Variants in FOXN3 observed in about 807,000 individuals in gnomAD.
FOXN3 encodes forkhead box N3.
Under a neutral mutation model 38.4 loss-of-function variants are expected in FOXN3, and 7 were observed. That is an observed-to-expected ratio of 0.18 (90% CI 0.10 to 0.34). The LOEUF (loss-of-function observed/expected upper bound fraction) is 0.34, where lower values mean the gene tolerates loss of function less well. Ranked by LOEUF, FOXN3 falls within the 10% of genes least tolerant of loss-of-function variation. FOXN3 has a pLI of 1.00. For missense variants in FOXN3, 456 were observed against 613.4 expected (o/e 0.74, Z 2.71); for synonymous variants, 230 against 242.2 (o/e 0.95, Z 0.47).
intron 1 of FOXN3, among the ~76,000 whole-genome samples, chr14:89,431,254 G>A (rs920820756): frequency 5.9e-5 from 9 of 152,086 alleles, no homozygotes; most frequent in Non-Finnish European, 8.8e-5. Context: ...TGGATGGAGT[G>A]CAGTGTTGTG....
At position 89,412,009 on chromosome 14, in the gene FOXN3, A is replaced by C; in HGVS notation, c.468T>G (p.Thr156=). 6.2e-7 allele frequency: 1 copy of C among 1,609,858 alleles called. No individual in the cohort carries two copies. Among genetic ancestry groups the C allele is most frequent in the Non-Finnish European group, 8.5e-7 (1 of 1,177,956 alleles). ...EHFPYFANAP[T]GWKNSVRHNL... The stretch of plus-strand genomic sequence containing the variant: ...TGTGTCTCACTGAGTTTTTCCACCC[A>C]GTAGGTGCATTTGCAAAATACGGAA... Residue 156 remains threonine, a synonymous_variant, in exon 2 of 6, where the codon ACT becomes ACG. Transcript: ENST00000557258. This position sits in a 1 kb window ranked among gnomAD's most constrained non-coding sequence, Gnocchi z 4.7.
At chr14:89,240,281 A>G (rs1885102011) in intron 4 of FOXN3, among the ~76,000 whole-genome samples, 1 of 102,890 alleles carries the variant, frequency 9.7e-6, no homozygotes, top group Non-Finnish European at 2.3e-5. Context: ...TTCAATAGGA[A>G]AAAAAAAAAA....
intron 3 of FOXN3, among the ~76,000 whole-genome samples, chr14:89,346,771 T>G (rs992643228): frequency 6.6e-6 from 1 of 152,218 alleles, no homozygotes; most frequent in Non-Finnish European, 1.5e-5. Flanking sequence ...CCTCTTTCAG[T>G]GGAGAAAGAG....
chr14:89,510,506 T>C (rs767273519), intron 1 of FOXN3, among the ~76,000 whole-genome samples: 2 of 151,922 alleles, frequency 1.3e-5, no homozygotes, highest in Non-Finnish European at 2.9e-5. Flanking sequence ...TGACTGTGCA[T>C]CTCCCCAGCA....
intron 2 of FOXN3, chr14:89,399,907 T>A (rs1254015296): frequency 6.6e-6 from 1 of 152,202 alleles, no homozygotes; most frequent in Non-Finnish European, 1.5e-5. Context: ...TGCAAACTCG[T>A]TGCTATGGAG....
chr14:89,260,714 C>G (rs77233138), intron 4 of FOXN3, among the ~76,000 whole-genome samples: 5 of 152,338 alleles, frequency 3.3e-5, no homozygotes, highest in Non-Finnish European at 7.3e-5. Flanking sequence ...TTCCCTACCC[C>G]CTAATATTTA....
intron 4 of FOXN3, among the ~76,000 whole-genome samples, chr14:89,216,725 T>C (rs968754783): frequency 7.9e-5 from 12 of 152,110 alleles, no homozygotes; most frequent in South Asian, 4.2e-4. Flanking sequence ...TCTTAGACGG[T>C]TTTATCCATG....
At chr14:89,309,004 C>T (rs1047930508) in intron 3 of FOXN3, among the ~76,000 whole-genome samples, 5 of 152,282 alleles carry the variant, frequency 3.3e-5, no homozygotes, top group South Asian at 2.1e-4. Context: ...CCTGGCCGCA[C>T]GGTGGTCTGG....
At chr14:89,480,121 C>T (rs116397493) in intron 1 of FOXN3, among the ~76,000 whole-genome samples, 38 of 152,234 alleles carry the variant, frequency 2.5e-4, no homozygotes, top group African/African-American at 8.9e-4. Flanking sequence ...AAAGCTTGGG[C>T]GTCTGAACAC....
intron 1 of FOXN3, among the ~76,000 whole-genome samples, chr14:89,568,858 G>A (rs1007469469): frequency 3.3e-5 from 5 of 152,210 alleles, no homozygotes; most frequent in African/African-American, 1.2e-4. Context: ...TTGGATCATG[G>A]ATGGTTTGGC....
chr14:89,364,704 A>T (rs1424330850), intron 2 of FOXN3: 1 of 152,260 alleles, frequency 6.6e-6, no homozygotes, highest in African/African-American at 2.4e-5. Flanking sequence ...AATCACTATT[A>T]GTGTGTCACT....
chr14:89,274,962 T>C (rs1566944394), intron 4 of FOXN3, among the ~76,000 whole-genome samples: 1 of 152,190 alleles, frequency 6.6e-6, no homozygotes, highest in Non-Finnish European at 1.5e-5. Flanking sequence ...TTAGCCCTAT[T>C]TTCCTAAGAG....
At chr14:89,373,824 TCAA>T (rs1890393226) in intron 2 of FOXN3, among the ~76,000 whole-genome samples, 1 of 152,202 alleles carries the variant, frequency 6.6e-6, no homozygotes, top group African/African-American at 2.4e-5. Flanking sequence ...GTTTTACTAT[TCAA>T]ACTAAAAATT....
upstream of FOXN3, among the ~76,000 whole-genome samples, chr14:89,421,011 CAG>C (rs1242593175): frequency 6.7e-6 from 1 of 149,408 alleles, no homozygotes; most frequent in Non-Finnish European, 1.5e-5. Flanking sequence ...TCATACAAAA[CAG>C]AATGAAGACT....
At chr14:89,459,956 C>A (rs746674144) in intron 1 of FOXN3, among the ~76,000 whole-genome samples, 2 of 152,142 alleles carry the variant, frequency 1.3e-5, no homozygotes, top group South Asian at 4.1e-4. Context: ...GAAGACAATA[C>A]GAACTCTGCC....
chr14:89,301,604 C>T (rs1887219538), intron 3 of FOXN3, among the ~76,000 whole-genome samples: 1 of 151,970 alleles, frequency 6.6e-6, no homozygotes, highest in South Asian at 2.1e-4. Context: ...CCCGTCTCTA[C>T]TAAATATACA....
intron 2 of FOXN3, among the ~76,000 whole-genome samples, chr14:89,377,835 CAAGT>C (rs2140063289): frequency 6.6e-6 from 1 of 152,282 alleles, no homozygotes; most frequent in South Asian, 2.1e-4. Context: ...GGGTCTTAAA[CAAGT>C]AATTGGGAAA....
chr14:89,240,571 T>G (rs1202528248), intron 4 of FOXN3, among the ~76,000 whole-genome samples: 1 of 151,952 alleles, frequency 6.6e-6, no homozygotes, highest in Non-Finnish European at 1.5e-5. Context: ...AGCTACATGA[T>G]AAAAAAAAGT....
intron 3 of FOXN3, among the ~76,000 whole-genome samples, chr14:89,336,692 T>G (rs1435018496): frequency 6.6e-6 from 1 of 152,154 alleles, no homozygotes; most frequent in African/African-American, 2.4e-5. Context: ...TGCCTCTCAA[T>G]CAAAATCCAG....
Sources: allele counts gnomAD v4.1 joint callset (sites outside exome capture counted in the v4.1 genomes callset), GRCh38; gene constraint gnomAD v4.1.1; non-coding constraint Gnocchi (gnomAD v3.1); transcripts MANE v1.5; gene names NCBI Gene and HGNC (gene_info 2026-07-23, HGNC 2026-07-21).